THSD7A: variants seen among roughly 807,000 people sequenced by gnomAD.
The protein encoded by THSD7A is thrombospondin type 1 domain containing 7A.
A neutral mutation model predicts 231.3 loss-of-function variants in THSD7A; 96 were observed. The observed-to-expected ratio is 0.41, with a 90% confidence interval of 0.35 to 0.49. The LOEUF is 0.49. THSD7A is among the 20% of genes least tolerant of loss of function. The pLI is 0.05. For synonymous variants in THSD7A, 940 were observed against 743.3 expected, an observed-to-expected ratio of 1.26 and a Z score of -4.30; for missense variants, 2,290 against 2,070.2, an observed-to-expected ratio of 1.11 and a Z score of -2.06.
In THSD7A at chr7:11,748,106, C is replaced by G. The variant is rs576666259; in HGVS notation, c.190+83651G>C. On this transcript the variant is annotated intron_variant, in intron 1 of 27. Coordinates refer to ENST00000423059, the MANE Select transcript of THSD7A (RefSeq NM_015204.3). ...CTTGTATTTTTAAAGAGCAGCCCAG[C>G]ACAGTGTCAAGACAAAGAGGCCAGA... Among the ~76,000 whole-genome samples, 8 of 151,960 alleles carry G rather than the reference C, an allele frequency of 5.3e-5. No homozygotes were observed. In the South Asian group the frequency reaches 1.5e-3, roughly 28 times the overall value.
At chr7:11,387,433 T>A (rs1229237486) in intron 23 of THSD7A, among the ~76,000 whole-genome samples, 1 of 152,222 alleles carries the variant, frequency 6.6e-6, no homozygotes, top group Non-Finnish European at 1.5e-5. Context: ...TTCACATCCC[T>A]CGTAGGTTGT....
chr7:11,716,757 A>T (rs892508322), intron 1 of THSD7A, among the ~76,000 whole-genome samples: 1 of 151,554 alleles, frequency 6.6e-6, no homozygotes, highest in African/African-American at 2.4e-5. Context: ...TCCTTACTCC[A>T]ATGCCTTATG....
intron 1 of THSD7A, among the ~76,000 whole-genome samples, chr7:11,712,772 TTA>T (rs1384843139): frequency 2.6e-5 from 4 of 151,066 alleles, no homozygotes; most frequent in African/African-American, 7.3e-5. Context: ...ATGTGGCCTA[TTA>T]TATGTTATTT....
intron 1 of THSD7A, among the ~76,000 whole-genome samples, chr7:11,826,218 G>A (rs1785022775): frequency 6.6e-6 from 1 of 152,118 alleles, no homozygotes; most frequent in Non-Finnish European, 1.5e-5. Context: ...TTTAATGTGA[G>A]TATTCTCCTT....
chr7:11,430,999 G>A (rs1784462486), intron 13 of THSD7A, among the ~76,000 whole-genome samples: 1 of 152,124 alleles, frequency 6.6e-6, no homozygotes, highest in African/African-American at 2.4e-5. Context: ...CAATTCCCTT[G>A]AATATATACA....
intron 1 of THSD7A, among the ~76,000 whole-genome samples, chr7:11,756,345 G>A (rs544843817): frequency 1.9e-4 from 29 of 152,206 alleles, no homozygotes; most frequent in African/African-American, 5.1e-4. Context: ...AAAGTCAGGC[G>A]TGATAAGCAG....
intron 1 of THSD7A, among the ~76,000 whole-genome samples, chr7:11,803,473 G>A (rs1447119408): frequency 1.3e-5 from 2 of 152,064 alleles, no homozygotes; most frequent in Non-Finnish European, 2.9e-5. Context: ...ATTAGTAGAA[G>A]GAGAGTTAGA....
At chr7:11,816,898 A>G (rs1028668802) in intron 1 of THSD7A, among the ~76,000 whole-genome samples, 1 of 152,206 alleles carries the variant, frequency 6.6e-6, no homozygotes, top group African/African-American at 2.4e-5. Flanking sequence ...GCCTGTATAT[A>G]TATGCATGCA....
intron 24 of THSD7A, among the ~76,000 whole-genome samples, chr7:11,381,520 A>G (rs915230959): frequency 6.6e-6 from 1 of 152,194 alleles, no homozygotes; most frequent in African/African-American, 2.4e-5. Context: ...TATTAAAGTT[A>G]AATTTCTAAA....
chr7:11,644,931 C>T (rs1432614500), intron 1 of THSD7A, among the ~76,000 whole-genome samples: 1 of 151,824 alleles, frequency 6.6e-6, no homozygotes, highest in East Asian at 1.9e-4. Context: ...TTTCATGTGA[C>T]AGTATTTTAA....
chr7:11,434,814 C>G (rs564598268), intron 13 of THSD7A, among the ~76,000 whole-genome samples: 1 of 151,820 alleles, frequency 6.6e-6, no homozygotes, highest in African/African-American at 2.4e-5. Context: ...TATTCTTGAG[C>G]AATTATATAT....
At chr7:11,739,035 G>A (rs1024507201) in intron 1 of THSD7A, among the ~76,000 whole-genome samples, 2 of 152,030 alleles carry the variant, frequency 1.3e-5, no homozygotes, top group African/African-American at 4.8e-5. Flanking sequence ...GAAGCATGTA[G>A]ATCAGTGTTG....
Position 11,660,906 on chromosome 7 carries a change from A to G in THSD7A, c.191-23945T>C, listed in dbSNP as rs909752044. ...AAAAATCTATTTTAAAACAACAGAG[A>G]CATATTAATGCAGCAAGGACTCGAA... On this transcript the variant is annotated intron_variant, in intron 1 of 27. Transcript: ENST00000423059. Among the ~76,000 whole-genome samples the G allele has an allele frequency of 7.3e-5, 11 of 151,480 alleles. No individual in the cohort carries two copies. The Admixed American group carries it at 7.3e-4, about 10-fold the overall frequency.
intron 6 of THSD7A, among the ~76,000 whole-genome samples, chr7:11,512,963 A>ATATAT (rs1185122230): frequency 7.1e-5 from 10 of 141,458 alleles, no homozygotes; most frequent in East Asian, 2.0e-4. Context: ...ATATATATGT[A>ATATAT]AAATACTACT....
Position 11,401,930 on chromosome 7 carries a change from A to C in THSD7A, c.4276T>G (p.Cys1426Gly). Residue 1426 changes from cysteine (C) to glycine (G), a missense_variant, in exon 23 of 28, where the codon TGT (cysteine) becomes GGT (glycine). Physicochemically the swap from Cys to Gly is radical, Grantham distance 159 (BLOSUM62 -3). Coordinates refer to ENST00000423059, the MANE Select transcript of THSD7A (RefSeq NM_015204.3). ...YLKDWSSWSL[C>G]QLTCVNGEDL... The stretch of plus-strand genomic sequence containing the variant: ...TCACCATTCACACAGGTCAGCTGAC[A>C]CAGGCTCCAGGAAGACCAGTCCTTC... 1 of 1,613,704 alleles carries C rather than the reference A, an allele frequency of 6.2e-7. No homozygotes were observed. Among genetic ancestry groups the C allele is most frequent in the Non-Finnish European group, 8.5e-7 (1 of 1,179,768 alleles).
At chr7:11,478,117 T>C (rs1786270676) in intron 7 of THSD7A, among the ~76,000 whole-genome samples, 1 of 152,130 alleles carries the variant, frequency 6.6e-6, no homozygotes, top group South Asian at 2.1e-4. Flanking sequence ...CAATTCCCTC[T>C]CACTTCACAC....
At chr7:11,633,173 A>G (rs575335431) in intron 2 of THSD7A, among the ~76,000 whole-genome samples, 6 of 152,136 alleles carry the variant, frequency 3.9e-5, no homozygotes, top group Non-Finnish European at 7.4e-5. Flanking sequence ...GATTCAGAAA[A>G]CCATATTTCC....
At chr7:11,712,681 CT>C (rs1250052547) in intron 1 of THSD7A, among the ~76,000 whole-genome samples, 10 of 151,030 alleles carry the variant, frequency 6.6e-5, no homozygotes, top group African/African-American at 2.4e-4. Context: ...ACCTTAGATT[CT>C]ACATTTATTT....
intron 5 of THSD7A, among the ~76,000 whole-genome samples, 196 bp from the exon 6 acceptor site, chr7:11,541,827 G>A (rs575253870): frequency 1.3e-5 from 2 of 152,024 alleles, no homozygotes; most frequent in South Asian, 2.1e-4. Flanking sequence ...GTGGATTAAC[G>A]AATGGAATGA....
Sources: allele counts gnomAD v4.1 joint callset (sites outside exome capture counted in the v4.1 genomes callset), GRCh38; gene constraint gnomAD v4.1.1; transcripts MANE v1.5; gene names NCBI Gene and HGNC (gene_info 2026-07-23, HGNC 2026-07-21).